Variants in PAH observed in about 807,000 individuals in gnomAD.
PAH encodes the protein phenylalanine-4-hydroxylase.
In PAH, 64 loss-of-function variants were observed where a neutral mutation model predicts 62.0. That is an observed-to-expected ratio of 1.03 (90% CI 0.84 to 1.27). The LOEUF (loss-of-function observed/expected upper bound fraction) is 1.27, where lower values mean the gene tolerates loss of function less well. PAH is among the 50% of genes most tolerant of loss of function. The pLI is 0.00. For missense variants in PAH, 579 were observed against 542.8 expected, an observed-to-expected ratio of 1.07 and a Z score of -0.66; for synonymous variants, 195 against 196.2, an observed-to-expected ratio of 0.99 and a Z score of 0.05.
intron 4 of PAH, 122 bp from the exon 5 acceptor site, chr12:102,866,785 C>A (rs983296356): frequency 1.2e-6 from 1 of 821,922 alleles, no homozygotes; most frequent in Non-Finnish European, 2.1e-6. Context: ...CTTGGTTATA[C>A]CCTAAAACTA....
intron 8 of PAH, 131 bp downstream of exon 8, chr12:102,851,556 A>G: frequency 1.3e-6 from 1 of 749,322 alleles, no homozygotes; most frequent in South Asian, 1.5e-5. Flanking sequence ...CACCCATTTC[A>G]GGTGGGATCA....
At chr12:102,844,278 A>C in intron 10 of PAH, 58 bp downstream of exon 10, 1 of 1,193,380 alleles carries the variant, frequency 8.4e-7, no homozygotes, top group Non-Finnish European at 1.3e-6. Flanking sequence ...AAAGCACAAT[A>C]ATGGTTTTCT....
intron 1 of PAH, among the ~76,000 whole-genome samples, chr12:102,924,274 T>C (rs79306892): frequency 0.032 from 4,805 of 152,284 alleles, 262 homozygotes; most frequent in African/African-American, 0.11. Flanking sequence ...AGCATGCATG[T>C]CCTGTATAGA....
exon 1 of PAH, chr12:102,950,747 TCA>T (rs931327420): frequency 1.3e-5 from 2 of 152,200 alleles, no homozygotes; most frequent in African/African-American, 4.8e-5. Context: ...CCAAGAGCTC[TCA>T]GAGGTTCCTG....
chr12:102,877,044 CAG>C (rs1328233001), intron 4 of PAH, among the ~76,000 whole-genome samples: 2 of 152,146 alleles, frequency 1.3e-5, no homozygotes, highest in African/African-American at 4.8e-5. Context: ...ATCTCCTACT[CAG>C]TTTTTAAGAT....
chr12:102,892,311 A>C (rs1029723895), intron 3 of PAH, among the ~76,000 whole-genome samples: 5 of 152,176 alleles, frequency 3.3e-5, no homozygotes, highest in African/African-American at 4.8e-5. Context: ...TGCTTCTTTC[A>C]GCTATGGTGC....
intron 3 of PAH, among the ~76,000 whole-genome samples, chr12:102,887,010 G>C (rs1452376680): frequency 6.6e-6 from 1 of 152,132 alleles, no homozygotes; most frequent in Non-Finnish European, 1.5e-5. Context: ...AACAGTCAAG[G>C]TTTTTAAAAA....
intron 1 of PAH, among the ~76,000 whole-genome samples, chr12:102,923,803 A>G (rs73393520): frequency 0.032 from 4,807 of 152,250 alleles, 264 homozygotes; most frequent in African/African-American, 0.11. Flanking sequence ...CACAGTCCAG[A>G]TAATACCACC....
intron 2 of PAH, among the ~76,000 whole-genome samples, chr12:102,897,492 T>TATATATATAA (rs1379613102): frequency 6.9e-4 from 95 of 137,444 alleles, no homozygotes; most frequent in African/African-American, 2.8e-3. Context: ...TATATATATA[T>TATATATATAA]AATTCAAACT....
chr12:102,941,447 T>G (rs1879284096), intron 1 of PAH, among the ~76,000 whole-genome samples: 1 of 151,874 alleles, frequency 6.6e-6, no homozygotes, highest in East Asian at 1.9e-4. Context: ...AGGCTAAAAG[T>G]AAAAAGATCG....
intron 3 of PAH, among the ~76,000 whole-genome samples, chr12:102,879,328 C>T (rs1876719589): frequency 6.6e-6 from 1 of 151,668 alleles, no homozygotes; most frequent in African/African-American, 2.4e-5. Context: ...GACTTTCAAT[C>T]TGACACCCAT....
At chr12:102,860,223 T>C (rs1875655343) in intron 5 of PAH, among the ~76,000 whole-genome samples, 1 of 152,208 alleles carries the variant, frequency 6.6e-6, no homozygotes, top group African/African-American at 2.4e-5. Context: ...GGAACTCCCA[T>C]TCACAATTGC....
chr12:102,842,621 G>A (rs903160168), intron 11 of PAH, among the ~76,000 whole-genome samples: 10 of 152,210 alleles, frequency 6.6e-5, no homozygotes, highest in Middle Eastern at 3.4e-3. Context: ...GGGTCTGGGG[G>A]GGATGGAATT....
At position 102,912,806 on chromosome 12, in the gene PAH, T is replaced by A. The variant is rs2136728110; in HGVS notation, c.153A>T (p.Val51=). Residue 51 remains valine (V), a synonymous_variant, in exon 2 of 13, where the codon GTA becomes GTT. Coordinates refer to ENST00000553106, the MANE Select transcript of PAH (RefSeq NM_000277.3). ...TAGCACTGACCTCAAATAAGCGCAA[T>A]ACTTTGGCCAATGCACCAACTTCTT... ...LKEEVGALAK[V]LRLFEENDVN... The A allele has an allele frequency of 3.1e-6, 5 of 1,610,934 alleles. No homozygotes were observed. Among genetic ancestry groups the A allele is most frequent in the Non-Finnish European group, 4.2e-6 (5 of 1,177,136 alleles).
chr12:102,883,843 A>G (rs554277310), intron 3 of PAH, among the ~76,000 whole-genome samples: 3 of 152,256 alleles, frequency 2.0e-5, no homozygotes, highest in African/African-American at 7.2e-5. Flanking sequence ...TCCAATCTCT[A>G]CTTTGGAACT....
At chr12:102,886,243 C>T (rs1473255373) in intron 3 of PAH, 1 of 152,142 alleles carries the variant, frequency 6.6e-6, no homozygotes, top group Non-Finnish European at 1.5e-5. Context: ...TCTGTTCTCT[C>T]TGTTCACATG....
intron 1 of PAH, among the ~76,000 whole-genome samples, chr12:102,922,520 TTAA>T (rs1223349884): frequency 6.6e-6 from 1 of 152,212 alleles, no homozygotes; most frequent in African/African-American, 2.4e-5. Context: ...AACTTTAAAC[TTAA>T]TGATATATCT....
chr12:102,877,598 G>A, intron 3 of PAH, 48 bp from the exon 4 acceptor site: 3 of 1,382,920 alleles, frequency 2.2e-6, no homozygotes, highest in Non-Finnish European at 3.1e-6. Flanking sequence ...GGCAGAACAT[G>A]GCCAAAGGCC....
At chr12:102,909,854 G>A (rs1034562209) in intron 2 of PAH, among the ~76,000 whole-genome samples, 24 of 152,124 alleles carry the variant, frequency 1.6e-4, no homozygotes. Flanking sequence ...AGCTACTGGG[G>A]AGGCTGAGGC....
Sources: gnomAD v4.1 joint callset for allele counts (sites outside exome capture counted in the v4.1 genomes callset) on GRCh38, gnomAD v4.1.1 for gene constraint, MANE v1.5 for transcripts, NCBI Gene and HGNC (gene_info 2026-07-23, HGNC 2026-07-21) for gene names.